Variants in SLC25A26 observed in about 807,000 individuals in gnomAD.
The protein encoded by SLC25A26 is mitochondrial S-adenosylmethionine carrier protein.
Under a neutral mutation model 37.8 loss-of-function variants are expected in SLC25A26, and 36 were observed. That is an observed-to-expected ratio of 0.95 (90% CI 0.73 to 1.26). The LOEUF is 1.26. Among genes scored for constraint, SLC25A26 ranks in the 50% most tolerant of loss-of-function variants. SLC25A26 has a pLI of 0.00. For missense variants in SLC25A26, 390 were observed against 331.1 expected, an observed-to-expected ratio of 1.18 and a Z score of -1.38; for synonymous variants, 129 against 122.5, an observed-to-expected ratio of 1.05 and a Z score of -0.35.
At chr3:66,135,876 A>G (rs1460800774) in intron 1 of SLC25A26, among the ~76,000 whole-genome samples, 1 of 152,234 alleles carries the variant, frequency 6.6e-6, no homozygotes, top group Admixed American at 6.5e-5. Flanking sequence ...CTTTTGGAAT[A>G]TTCACATTGG....
intron 1 of SLC25A26, among the ~76,000 whole-genome samples, chr3:66,155,570 C>A (rs1454801873): frequency 6.6e-6 from 1 of 152,124 alleles, no homozygotes; most frequent in Non-Finnish European, 1.5e-5. Flanking sequence ...TTCAAGTCAG[C>A]AAATATTTTG....
At chr3:66,159,196 C>T (rs552464186) in intron 1 of SLC25A26, among the ~76,000 whole-genome samples, 1 of 152,344 alleles carries the variant, frequency 6.6e-6, no homozygotes, top group African/African-American at 2.4e-5. Flanking sequence ...GGCCGGCAAA[C>T]ACTGGGACAG....
At chr3:66,207,921 G>C (rs2071201857) in intron 1 of SLC25A26, among the ~76,000 whole-genome samples, 1 of 152,166 alleles carries the variant, frequency 6.6e-6, no homozygotes, top group Non-Finnish European at 1.5e-5. Context: ...CAAGATAGAG[G>C]TAGCATTCTT....
chr3:66,256,611 T>A (rs1036019215), intron 3 of SLC25A26, among the ~76,000 whole-genome samples: 1 of 152,120 alleles, frequency 6.6e-6, no homozygotes, highest in Non-Finnish European at 1.5e-5. Flanking sequence ...ACAAAAAAAA[T>A]TAGGCTGGAC....
At chr3:66,333,391 G>T (rs1378441454) in intron 5 of SLC25A26, among the ~76,000 whole-genome samples, 1 of 152,028 alleles carries the variant, frequency 6.6e-6, no homozygotes, top group Non-Finnish European at 1.5e-5. Context: ...CACAAATTTG[G>T]ATCTTCGTCA....
chr3:66,243,062 G>C, intron 2 of SLC25A26, 141 bp from the exon 3 acceptor site: 1 of 538,344 alleles, frequency 1.9e-6, no homozygotes, highest in Non-Finnish European at 3.3e-6. Context: ...AGTGGGGGTA[G>C]GAAGAAAAGA....
rs231276 is a variant in SLC25A26 at position 66,377,461 on chromosome 3, A to G, written c.708-229A>G. Among the ~76,000 whole-genome samples the G allele has an allele frequency of 0.68, 103,279 of 151,522 alleles. 36,379 individuals are homozygous for G. Among genetic ancestry groups the G allele is most frequent in the African/African-American group, 0.86 (35,606 of 41,332 alleles). ...CTTACCTAGGATTCAGCTCTTTAAC[A>G]CCTTTTTAAAAAAAATCAATTTCAT... is the stretch of plus-strand genomic sequence containing the variant. On this transcript the variant is annotated intron_variant, in intron 9 of 9. Transcript: ENST00000354883.
At chr3:66,185,879 C>G (rs2070817035) in intron 1 of SLC25A26, among the ~76,000 whole-genome samples, 1 of 152,094 alleles carries the variant, frequency 6.6e-6, no homozygotes, top group Non-Finnish European at 1.5e-5. Flanking sequence ...TGATCTTTTT[C>G]AGACCTTTAC....
chr3:66,209,722 A>G (rs1336482045), intron 1 of SLC25A26, among the ~76,000 whole-genome samples: 5 of 137,996 alleles, frequency 3.6e-5, no homozygotes, highest in African/African-American at 1.3e-4. Context: ...TATATATTTT[A>G]TAGGTATATA....
At chr3:66,290,846 A>T (rs2074680781) in intron 5 of SLC25A26, among the ~76,000 whole-genome samples, 2 of 152,130 alleles carry the variant, frequency 1.3e-5, no homozygotes, top group Non-Finnish European at 2.9e-5. Flanking sequence ...ATTACGGAGG[A>T]GCCCCTCTTT....
intron 5 of SLC25A26, among the ~76,000 whole-genome samples, chr3:66,287,157 G>A (rs1043051285): frequency 3.3e-5 from 5 of 152,052 alleles, no homozygotes; most frequent in African/African-American, 1.2e-4. Context: ...TTAGCCAGGC[G>A]TGGTGGCAGG....
At chr3:66,252,560 A>C (rs138087365) in intron 3 of SLC25A26, among the ~76,000 whole-genome samples, 1 of 152,308 alleles carries the variant, frequency 6.6e-6, no homozygotes, top group East Asian at 1.9e-4. Context: ...AATAGGATTA[A>C]TGCCATCCCA....
At chr3:66,322,775 A>G (rs757504625) in intron 5 of SLC25A26, among the ~76,000 whole-genome samples, 19 of 152,234 alleles carry the variant, frequency 1.2e-4, no homozygotes, top group Non-Finnish European at 2.4e-4. Context: ...ATCAGTTGCT[A>G]GATGGACTTT....
intron 9 of SLC25A26, among the ~76,000 whole-genome samples, chr3:66,372,917 C>T (rs1182126804): frequency 1.3e-5 from 2 of 152,156 alleles, no homozygotes; most frequent in African/African-American, 2.4e-5. Context: ...GACACCATCT[C>T]CTCACCTTAG....
rs2072306163 is a variant in SLC25A26 at position 66,236,681 on chromosome 3, T to C, written c.171T>C (p.Ala57=). The change falls in exon 2 of 10, where the codon GCT becomes GCC. Residue 57 remains alanine (A), a synonymous_variant. Coordinates refer to ENST00000354883, the MANE Select transcript of SLC25A26 (RefSeq NM_001379210.1). ...TATATGCTGGCGTTCCTTCTGCTGC[T>C]ATTGGATCCTTTCCTAATGGTAAAA... ...HGIYAGVPSA[A]IGSFPNAAAF... is the part of the protein sequence containing the mutation. 1.3e-6 allele frequency: 2 copies of C among 1,521,862 alleles called. No homozygotes were observed. Among genetic ancestry groups the C allele is most frequent in the South Asian group, 2.4e-5 (2 of 82,408 alleles). The allele number at this position is 1,521,862 out of a possible 1,614,324, so 94.3% of individuals were successfully genotyped here. A position where few individuals can be genotyped will look rare whatever the true frequency, so the allele number is the denominator to read the frequency against.
intron 6 of SLC25A26, among the ~76,000 whole-genome samples, chr3:66,352,406 C>T (rs1175366956): frequency 2.7e-5 from 4 of 150,796 alleles, no homozygotes; most frequent in African/African-American, 9.9e-5. Context: ...GTGCTGCTGC[C>T]TAGCGCCTCC....
intron 9 of SLC25A26, chr3:66,371,187 T>C (rs1285042563): frequency 1.4e-6 from 2 of 1,475,396 alleles, no homozygotes; most frequent in African/African-American, 2.8e-5. Flanking sequence ...TGTGAAATGA[T>C]GATTTTTCTC....
intron 2 of SLC25A26, among the ~76,000 whole-genome samples, chr3:66,242,773 A>C (rs551228435): frequency 6.6e-6 from 1 of 152,240 alleles, no homozygotes; most frequent in Non-Finnish European, 1.5e-5. Context: ...GTAATAAAAC[A>C]TTATAGAATA....
At chr3:66,200,278 G>A (rs1448126770) in intron 1 of SLC25A26, among the ~76,000 whole-genome samples, 2 of 152,180 alleles carry the variant, frequency 1.3e-5, no homozygotes, top group Non-Finnish European at 2.9e-5. Flanking sequence ...GACTGCTGTT[G>A]TGCTTGGCTG....
Sources: gnomAD v4.1 joint callset for allele counts (sites outside exome capture counted in the v4.1 genomes callset) on GRCh38, gnomAD v4.1.1 for gene constraint, MANE v1.5 for transcripts, NCBI Gene and HGNC (gene_info 2026-07-23, HGNC 2026-07-21) for gene names.